The following CHN2 variants were observed in gnomAD, a reference collection of about 807,000 sequenced individuals.
The protein encoded by CHN2 is chimerin 2, also known as beta-chimaerin.
CHN2 carries 35 observed loss-of-function variants against 56.3 expected under a neutral mutation model. The ratio of observed to expected loss-of-function variants is 0.62; its 90% CI spans 0.47 to 0.82. The LOEUF (loss-of-function observed/expected upper bound fraction) is 0.82, where lower values mean the gene tolerates loss of function less well. Ranked by LOEUF, CHN2 falls within the 40% of genes least tolerant of loss-of-function variation. The pLI is 0.00. For synonymous variants in CHN2, 210 were observed against 212.8 expected (o/e 0.99, Z 0.12); for missense variants, 491 against 580.5 (o/e 0.85, Z 1.58).
At chr7:29,462,882 A>G (rs936032890) in intron 6 of CHN2, among the ~76,000 whole-genome samples, 1 of 150,480 alleles carries the variant, frequency 6.6e-6, no homozygotes, top group African/African-American at 2.4e-5. Context: ...GTCATTTAGC[A>G]TTAGGTATAT....
intron 1 of CHN2, among the ~76,000 whole-genome samples, chr7:29,272,734 A>C (rs1790765633): frequency 6.6e-6 from 1 of 152,218 alleles, no homozygotes; most frequent in East Asian, 1.9e-4. Context: ...AGAAATTTAA[A>C]AAATGATTTG....
chr7:29,206,326 GGCTGGA>G (rs2128774158), intron 1 of CHN2, among the ~76,000 whole-genome samples: 1 of 152,182 alleles, frequency 6.6e-6, no homozygotes, highest in East Asian at 1.9e-4. Flanking sequence ...CTATCGCCCA[GGCTGGA>G]GTGCAGTGGC....
At chr7:29,478,867 A>T (rs1387805640) in intron 6 of CHN2, among the ~76,000 whole-genome samples, 2 of 152,184 alleles carry the variant, frequency 1.3e-5, no homozygotes, top group African/African-American at 4.8e-5. Flanking sequence ...TGGGAGGATG[A>T]ACTTTTGAAC....
Position 29,437,553 on chromosome 7 carries a change from G to A in CHN2, c.576+36725G>A, listed in dbSNP as rs1006148821. Among the ~76,000 whole-genome samples, 9 of 142,658 alleles carry A rather than the reference G, an allele frequency of 6.3e-5. 1 individual carries two copies. The South Asian group carries it at 1.8e-3, about 29-fold the overall frequency. The allele number at this position is 142,658 out of a possible 152,430, so 93.6% of individuals were successfully genotyped here. A position where few individuals can be genotyped will look rare whatever the true frequency, so the allele number is the denominator to read the frequency against. ...GCGGAGCTTGCAGTGAGCCGAGATC[G>A]CGCCACTGCACTCCAGCCTGGGCGA... On this transcript the variant is annotated intron_variant, in intron 6 of 12. Coordinates refer to ENST00000222792, the MANE Select transcript of CHN2 (RefSeq NM_004067.4).
At chr7:29,372,624 G>A (rs889170114) in intron 3 of CHN2, among the ~76,000 whole-genome samples, 3 of 152,146 alleles carry the variant, frequency 2.0e-5, no homozygotes, top group East Asian at 1.9e-4. Context: ...AAAGGATAGC[G>A]ATTGCTAGCA....
chr7:29,248,127 CTG>C (rs1788215346), intron 1 of CHN2, among the ~76,000 whole-genome samples: 1 of 152,200 alleles, frequency 6.6e-6, no homozygotes, highest in South Asian at 2.1e-4. Context: ...TGTGATCTGA[CTG>C]TGTTGCAGGT....
intron 1 of CHN2, among the ~76,000 whole-genome samples, chr7:29,270,403 C>T (rs770862159): frequency 1.4e-5 from 2 of 143,626 alleles, no homozygotes; most frequent in Non-Finnish European, 3.0e-5. Context: ...CCTATAATCC[C>T]AGTACTTTGG....
intron 1 of CHN2, among the ~76,000 whole-genome samples, chr7:29,323,090 G>C (rs987516427): frequency 1.3e-5 from 2 of 152,128 alleles, no homozygotes; most frequent in Non-Finnish European, 2.9e-5. Flanking sequence ...GGAGGCAGAG[G>C]TCGCAGTTGA....
At chr7:29,387,317 C>T (rs575008978) in intron 3 of CHN2, among the ~76,000 whole-genome samples, 12 of 152,258 alleles carry the variant, frequency 7.9e-5, no homozygotes, top group South Asian at 2.1e-4. Context: ...AAATGAGATG[C>T]AAAGGAGTGT....
At position 29,225,807 on chromosome 7, in the gene CHN2, A is replaced by G. The variant is rs193018454; in HGVS notation, c.49+30817A>G. On this transcript the variant is annotated intron_variant, in intron 1 of 12. Transcript: ENST00000222792. ...AGATGCCTTGCCTCACGTTGAGGGG[A>G]CAGTTACTATTGAAAGGGTGTTAGT... Among the ~76,000 whole-genome samples the G allele has an allele frequency of 1.5e-3, 235 of 152,266 alleles. 1 individual carries two copies. Among genetic ancestry groups the G allele is most frequent in the African/African-American group, 5.3e-3 (220 of 41,568 alleles).
At chr7:29,234,752 T>C (rs909440694) in intron 1 of CHN2, among the ~76,000 whole-genome samples, 2 of 152,226 alleles carry the variant, frequency 1.3e-5, no homozygotes. Context: ...TACTCACCAC[T>C]TTTAAGAAAG....
intron 1 of CHN2, among the ~76,000 whole-genome samples, chr7:29,315,868 A>G (rs1223419921): frequency 6.6e-6 from 1 of 152,212 alleles, no homozygotes; most frequent in Non-Finnish European, 1.5e-5. Context: ...GAGCTCTAAG[A>G]TATCATGGTG....
intron 2 of CHN2, chr7:29,184,468 A>C (rs1798468107): frequency 6.6e-6 from 1 of 152,162 alleles, no homozygotes; most frequent in Non-Finnish European, 1.5e-5. Flanking sequence ...GGCATGTAAG[A>C]GACCCAGGAG....
chr7:29,156,391 A>T (rs1275978640), intron 2 of CHN2, among the ~76,000 whole-genome samples: 1 of 152,206 alleles, frequency 6.6e-6, no homozygotes, highest in East Asian at 1.9e-4. Context: ...AGAAATTATA[A>T]ATCTGAGGCA....
At chr7:29,287,578 A>G (rs1050989319) in intron 1 of CHN2, among the ~76,000 whole-genome samples, 16 of 152,136 alleles carry the variant, frequency 1.1e-4, no homozygotes, top group African/African-American at 3.9e-4. Context: ...TATGTACTAT[A>G]CAAGTGTTAG....
chr7:29,182,299 A>G (rs1252851660), intron 2 of CHN2, among the ~76,000 whole-genome samples: 1 of 152,232 alleles, frequency 6.6e-6, no homozygotes, highest in Non-Finnish European at 1.5e-5. Flanking sequence ...TCAATGCCTT[A>G]AAAGAGTTGT....
Position 29,405,164 on chromosome 7 carries a change from TACACACACACACAC to T in CHN2, c.576+4381_576+4394del, listed in dbSNP as rs57823678. ...TCTGTATGGAGTGCTTATGTCACCA[TACACACACACACAC>T]ACACACACACACACACACACACACA... On this transcript the variant is annotated intron_variant, in intron 6 of 12. Coordinates refer to ENST00000222792, the MANE Select transcript of CHN2 (RefSeq NM_004067.4). Among the ~76,000 whole-genome samples the T allele has an allele frequency of 7.3e-3, 767 of 105,204 alleles. 7 individuals are homozygous for T. The highest frequency in any genetic ancestry group is 0.022 in the African/African-American group (664 of 30,812). 69.0% of individuals were successfully genotyped at this position (105,204 alleles called of 152,430 possible).
In CHN2 at chr7:29,499,923, C is replaced by T; in HGVS notation, c.796C>T (p.Pro266Ser). The T allele has an allele frequency of 3.1e-6, 5 of 1,612,642 alleles. No homozygotes were observed. The highest frequency in any genetic ancestry group is 2.5e-6 in the Non-Finnish European group (3 of 1,179,584). ...CAAGCACGTTCCCAATGACTGCCAA[C>T]CTGATCTCAAGAGGATCAAGAAAGT... ...CSKHVPNDCQ[P>S]DLKRIKKVYC... Residue 266 changes from proline to serine, a missense_variant, in exon 9 of 13, where the codon CCT becomes TCT. Transcript: ENST00000222792.
At chr7:29,372,248 A>G (rs748351690) in intron 3 of CHN2, among the ~76,000 whole-genome samples, 22 of 152,022 alleles carry the variant, frequency 1.4e-4, no homozygotes, top group Non-Finnish European at 2.9e-4. Context: ...CACTGTCACT[A>G]TCACTGGGCC....
Sources: gnomAD v4.1 joint callset for allele counts (sites outside exome capture counted in the v4.1 genomes callset) on GRCh38, gnomAD v4.1.1 for gene constraint, MANE v1.5 for transcripts, NCBI Gene and HGNC (gene_info 2026-07-23, HGNC 2026-07-21) for gene names.